Variants in GPC5 observed in about 807,000 individuals in gnomAD.
The protein encoded by GPC5 is glypican-5.
Under a neutral mutation model 53.9 loss-of-function variants are expected in GPC5, and 47 were observed. That is an observed-to-expected ratio of 0.87 (90% CI 0.69 to 1.11). GPC5 has a LOEUF of 1.11. Ranked by LOEUF, GPC5 falls within the 50% of genes most tolerant of loss-of-function variation. The pLI is 0.00. For missense variants in GPC5, 748 were observed against 713.1 expected (o/e 1.05, Z -0.56); for synonymous variants, 286 against 263.3 (o/e 1.09, Z -0.84).
At chr13:92,389,766 T>C (rs956607948) in intron 7 of GPC5, among the ~76,000 whole-genome samples, 3 of 152,160 alleles carry the variant, frequency 2.0e-5, no homozygotes, top group Admixed American at 1.3e-4. Context: ...AGTGAGGCCA[T>C]CAATGTATGA....
chr13:92,318,100 T>C (rs1339055576), intron 7 of GPC5, among the ~76,000 whole-genome samples: 1 of 152,192 alleles, frequency 6.6e-6, no homozygotes, highest in Non-Finnish European at 1.5e-5. Flanking sequence ...GAAAATTAGA[T>C]TTATTTTGTT....
At chr13:91,520,268 T>G (rs1885731797) in intron 2 of GPC5, among the ~76,000 whole-genome samples, 1 of 152,224 alleles carries the variant, frequency 6.6e-6, no homozygotes, top group South Asian at 2.1e-4. Context: ...ATTGCTTTCA[T>G]AAATATTAAG....
chr13:91,894,242 A>G (rs1355718790), intron 5 of GPC5, among the ~76,000 whole-genome samples: 6 of 151,974 alleles, frequency 3.9e-5, no homozygotes, highest in South Asian at 2.1e-4. Context: ...GTAGCCCTTC[A>G]GGACTTTGTT....
intron 7 of GPC5, among the ~76,000 whole-genome samples, chr13:92,739,727 A>AAG (rs142048278): frequency 1.2e-4 from 18 of 148,200 alleles, no homozygotes; most frequent in Admixed American, 5.4e-4. Context: ...AAGAAAAAAA[A>AAG]AGAGAGAGAG....
chr13:92,273,676 G>T (rs141066768), intron 7 of GPC5, among the ~76,000 whole-genome samples: 13 of 150,716 alleles, frequency 8.6e-5, no homozygotes, highest in African/African-American at 3.2e-4. Flanking sequence ...CAAAAAAAAT[G>T]GAGTTTGCAA....
chr13:91,469,364 C>T (rs1882461218), intron 2 of GPC5, among the ~76,000 whole-genome samples: 4 of 152,130 alleles, frequency 2.6e-5, no homozygotes, highest in Admixed American at 2.0e-4. Context: ...ATGCTTTGGC[C>T]TTCCAAAGTG....
intron 6 of GPC5, among the ~76,000 whole-genome samples, chr13:91,936,758 A>G (rs897194948): frequency 6.6e-6 from 1 of 152,000 alleles, no homozygotes; most frequent in Non-Finnish European, 1.5e-5. Flanking sequence ...GAAAGGAACA[A>G]ATTTAAGCAT....
chr13:91,592,835 C>A (rs2032851888), intron 2 of GPC5, among the ~76,000 whole-genome samples: 1 of 152,160 alleles, frequency 6.6e-6, no homozygotes, highest in Non-Finnish European at 1.5e-5. Flanking sequence ...CAGGCAGGTG[C>A]CGTGGGAGGG....
chr13:91,458,624 G>A (rs1881719214), intron 2 of GPC5, among the ~76,000 whole-genome samples: 1 of 152,130 alleles, frequency 6.6e-6, no homozygotes, highest in Non-Finnish European at 1.5e-5. Context: ...TGGATGCGGT[G>A]AAAAGGGGGC....
chr13:92,843,231 A>T (rs945235064), intron 7 of GPC5, among the ~76,000 whole-genome samples: 1 of 152,200 alleles, frequency 6.6e-6, no homozygotes, highest in Non-Finnish European at 1.5e-5. Flanking sequence ...ATCAATCATG[A>T]ACTTTACTTC....
chr13:91,889,410 T>C (rs2039360814), intron 5 of GPC5, among the ~76,000 whole-genome samples: 2 of 152,208 alleles, frequency 1.3e-5, no homozygotes, highest in Non-Finnish European at 1.5e-5. Context: ...GGGTGTCAGT[T>C]TTAGTAATTA....
intron 2 of GPC5, among the ~76,000 whole-genome samples, chr13:91,674,446 C>T (rs565769636): frequency 8.7e-5 from 13 of 149,764 alleles, no homozygotes; most frequent in South Asian, 6.3e-4. Flanking sequence ...TATATATATA[C>T]ACATACACAC....
intron 2 of GPC5, among the ~76,000 whole-genome samples, chr13:91,571,806 CACACATACGTGTGTGTATATAT>C (rs2031813909): frequency 8.4e-6 from 1 of 118,798 alleles, no homozygotes; most frequent in East Asian, 2.7e-4. Context: ...TATATATACA[CACACATACGTGTGTGTATATAT>C]ACACATATAC....
At chr13:91,649,979 T>C (rs2034657869) in intron 2 of GPC5, among the ~76,000 whole-genome samples, 2 of 151,852 alleles carry the variant, frequency 1.3e-5, no homozygotes, top group Non-Finnish European at 2.9e-5. Context: ...AAATGGCACA[T>C]AGAGTCCCAT....
chr13:91,549,100 C>G (rs2138808359), intron 2 of GPC5, among the ~76,000 whole-genome samples: 1 of 152,192 alleles, frequency 6.6e-6, no homozygotes, highest in South Asian at 2.1e-4. Flanking sequence ...GAAATGCTGT[C>G]TCTACTAAAA....
intron 7 of GPC5, among the ~76,000 whole-genome samples, chr13:92,579,262 CCT>C (rs1883289962): frequency 3.1e-5 from 1 of 32,044 alleles, no homozygotes; most frequent in Non-Finnish European, 5.9e-5. Flanking sequence ...TCCCTCCCTC[CCT>C]CCCTCCCTCC....
rs1054906205 is a variant in GPC5 at position 92,841,823 on chromosome 13, A to G, written c.1562-24459A>G. On this transcript the variant is annotated intron_variant, in intron 7 of 7. Transcript: ENST00000377067. ...TATGATTTATTTGTGTAAAACGTTG[A>G]GTCAATTGTTCCAGCAGTTTCTCAT... Among the ~76,000 whole-genome samples the G allele has an allele frequency of 3.3e-5, 5 of 152,086 alleles. 1 individual carries two copies. In the South Asian group the frequency reaches 1.0e-3, roughly 31 times the overall value.
At chr13:91,489,501 G>A (rs910746640) in intron 2 of GPC5, among the ~76,000 whole-genome samples, 3 of 152,106 alleles carry the variant, frequency 2.0e-5, no homozygotes, top group African/African-American at 7.2e-5. Flanking sequence ...TCTGAGGTCT[G>A]TCACTTAATA....
intron 7 of GPC5, among the ~76,000 whole-genome samples, chr13:92,806,893 G>A (rs1364744808): frequency 4.6e-5 from 7 of 152,078 alleles, no homozygotes; most frequent in Admixed American, 4.6e-4. Flanking sequence ...GACACACAAA[G>A]TGAACACATC....
Sources: allele counts gnomAD v4.1 joint callset (sites outside exome capture counted in the v4.1 genomes callset), GRCh38; gene constraint gnomAD v4.1.1; transcripts MANE v1.5; gene names NCBI Gene and HGNC (gene_info 2026-07-23, HGNC 2026-07-21).